Variants in MAPKAP1 observed in about 807,000 individuals in gnomAD.
MAPKAP1 encodes the protein MAPK associated protein 1, also known as target of rapamycin complex 2 subunit MAPKAP1.
A neutral mutation model predicts 65.7 loss-of-function variants in MAPKAP1; 20 were observed. That is an observed-to-expected ratio of 0.30 (90% CI 0.21 to 0.44). The LOEUF (loss-of-function observed/expected upper bound fraction) is 0.44. Ranked by LOEUF, MAPKAP1 falls within the 20% of genes least tolerant of loss-of-function variation. The pLI is 1.00. For missense variants in MAPKAP1, 423 were observed against 648.0 expected, an observed-to-expected ratio of 0.65 and a Z score of 3.77; for synonymous variants, 222 against 244.3, an observed-to-expected ratio of 0.91 and a Z score of 0.85.
At chr9:125,487,164 G>A (rs1244034301) in intron 8 of MAPKAP1, among the ~76,000 whole-genome samples, 1 of 152,154 alleles carries the variant, frequency 6.6e-6, no homozygotes, top group African/African-American at 2.4e-5. Context: ...TGCACCTCCA[G>A]GACACTGCAG....
intron 7 of MAPKAP1, among the ~76,000 whole-genome samples, chr9:125,528,045 G>A (rs1216181888): frequency 1.3e-5 from 2 of 152,188 alleles, no homozygotes; most frequent in Non-Finnish European, 2.9e-5. Flanking sequence ...TTCCACAAAT[G>A]TGCTAACCAC....
At position 125,569,555 on chromosome 9, in the gene MAPKAP1, T is replaced by C. The variant is rs143618805; in HGVS notation, c.672-9746A>G. Among the ~76,000 whole-genome samples, 755 of 152,302 alleles carry C rather than the reference T, an allele frequency of 5.0e-3. 5 individuals are homozygous for C. Among genetic ancestry groups the C allele is most frequent in the African/African-American group, 0.017 (714 of 41,564 alleles). Reference sequence around the variant, plus strand: ...TCAAAAGCCAGAAATATCAGCTGCTTGGCATAAGAAATTCTAAAAGGACGT... The same window carrying C: ...TCAAAAGCCAGAAATATCAGCTGCTCGGCATAAGAAATTCTAAAAGGACGT... On this transcript the variant is annotated intron_variant, in intron 5 of 11. Coordinates refer to ENST00000265960, the MANE Select transcript of MAPKAP1 (RefSeq NM_001006617.3).
chr9:125,678,511 G>C (rs941644740), intron 1 of MAPKAP1, among the ~76,000 whole-genome samples: 4 of 152,156 alleles, frequency 2.6e-5, no homozygotes, highest in Non-Finnish European at 4.4e-5. Context: ...CAAAGTGCTG[G>C]GATTACAGGC....
At chr9:125,479,564 G>C (rs1309413020) in intron 9 of MAPKAP1, among the ~76,000 whole-genome samples, 2 of 149,358 alleles carry the variant, frequency 1.3e-5, no homozygotes, top group African/African-American at 2.5e-5. Context: ...TGGGCAACAA[G>C]AGCGAAACTC....
intron 8 of MAPKAP1, among the ~76,000 whole-genome samples, chr9:125,496,947 T>A (rs1854972234): frequency 6.6e-6 from 1 of 152,118 alleles, no homozygotes; most frequent in Admixed American, 6.5e-5. Context: ...TCAGACTGGG[T>A]TCCTCTCCAG....
At chr9:125,623,840 G>A (rs1832995542) in intron 4 of MAPKAP1, among the ~76,000 whole-genome samples, 2 of 28,152 alleles carry the variant, frequency 7.1e-5, no homozygotes, top group African/African-American at 1.5e-4. Flanking sequence ...CAGCCGCCCC[G>A]TCCGGGAGGT....
intron 9 of MAPKAP1, among the ~76,000 whole-genome samples, chr9:125,481,542 C>A (rs1176344991): frequency 1.3e-5 from 2 of 152,082 alleles, no homozygotes; most frequent in Admixed American, 1.3e-4. Flanking sequence ...CCCATCGCAG[C>A]CTCCTGAGTA....
chr9:125,677,743 G>C (rs532969685), intron 1 of MAPKAP1, among the ~76,000 whole-genome samples: 132 of 152,032 alleles, frequency 8.7e-4, no homozygotes, highest in African/African-American at 3.0e-3. Context: ...CATACCTTTA[G>C]GCCACAGATA....
chr9:125,560,107 T>C (rs1380336882), intron 5 of MAPKAP1, among the ~76,000 whole-genome samples: 1 of 152,202 alleles, frequency 6.6e-6, no homozygotes, highest in African/African-American at 2.4e-5. Context: ...AGGTGAGATT[T>C]AGTATCAGCC....
chr9:125,584,795 A>G (rs950154763), intron 5 of MAPKAP1, among the ~76,000 whole-genome samples: 1 of 152,198 alleles, frequency 6.6e-6, no homozygotes, highest in Non-Finnish European at 1.5e-5. Flanking sequence ...TGCTGGAAAG[A>G]ACATGTAAAA....
chr9:125,664,724 CAA>C (rs1199612669), intron 3 of MAPKAP1, among the ~76,000 whole-genome samples: 2 of 59,930 alleles, frequency 3.3e-5, no homozygotes, highest in South Asian at 1.1e-3. Flanking sequence ...GACTCACTCT[CAA>C]AAAAAAAAAA....
At chr9:125,559,926 G>C (rs963825958) in intron 5 of MAPKAP1, 117 bp from the exon 6 acceptor site, 11 of 973,026 alleles carry the variant, frequency 1.1e-5, no homozygotes, top group Non-Finnish European at 1.5e-5. Context: ...CCCCAAGCCT[G>C]GTGATACAGT....
At chr9:125,519,428 G>A (rs1829555746) in intron 7 of MAPKAP1, among the ~76,000 whole-genome samples, 1 of 151,998 alleles carries the variant, frequency 6.6e-6, no homozygotes, top group East Asian at 1.9e-4. Flanking sequence ...CTTGACGCCA[G>A]TTCAAGAACA....
rs146057701 is a variant in MAPKAP1 at position 125,579,277 on chromosome 9, C to T, written c.671+6278G>A. 7.4e-3 allele frequency among the ~76,000 whole-genome samples: 1,128 copies of T among 152,304 alleles called. 19 individuals are homozygous for T. The highest frequency in any genetic ancestry group is 0.025 in the African/African-American group (1,052 of 41,556). On this transcript the variant is annotated intron_variant, in intron 5 of 11. Transcript: ENST00000265960. ...ACTACCATAGACAGTTTACAAGGCA[C>T]AGGAACAGGAGAACAATATTTTTTC...
At chr9:125,673,761 A>AAT (rs1343710303) in intron 1 of MAPKAP1, among the ~76,000 whole-genome samples, 4 of 150,964 alleles carry the variant, frequency 2.6e-5, no homozygotes, top group Admixed American at 1.3e-4. Flanking sequence ...TCTCTACAAA[A>AAT]ATATATATAT....
In MAPKAP1 at chr9:125,439,147, C is replaced by T; in HGVS notation, c.1444-135G>A. On this transcript the variant is annotated intron_variant, in intron 11 of 11. Coordinates refer to ENST00000265960, the MANE Select transcript of MAPKAP1 (RefSeq NM_001006617.3). This position sits in a 1 kb window ranked among gnomAD's most constrained non-coding sequence, Gnocchi z 4.0. ...CCAGGTGCTGTCGTGTGGAAGGAGT[C>T]CAGTCATCACAGCAACCTGGCAGCG... is the stretch of plus-strand genomic sequence containing the variant. 2 of 911,148 alleles carry T rather than the reference C, an allele frequency of 2.2e-6. No individual in the cohort carries two copies. Among genetic ancestry groups the T allele is most frequent in the Non-Finnish European group, 1.6e-6 (1 of 616,338 alleles). 56.4% of individuals were successfully genotyped at this position (911,148 alleles called of 1,614,324 possible). A position where few individuals can be genotyped will look rare whatever the true frequency, so the allele number is the denominator to read the frequency against.
At chr9:125,563,983 T>C (rs1382596316) in intron 5 of MAPKAP1, among the ~76,000 whole-genome samples, 1 of 152,258 alleles carries the variant, frequency 6.6e-6, no homozygotes, top group Non-Finnish European at 1.5e-5. Flanking sequence ...AGTGCTGGGA[T>C]TATAGGCGTG....
rs1829764461 is a variant in MAPKAP1, at chr9:125,526,242, G to A, written c.958+16817C>T. 2.6e-5 allele frequency among the ~76,000 whole-genome samples: 4 copies of A among 152,230 alleles called. No individual in the cohort carries two copies. In the South Asian group the frequency reaches 8.3e-4, roughly 32 times the overall value. On this transcript the variant is annotated intron_variant, in intron 7 of 11. Transcript: ENST00000265960. ...ATGACCTCTTCTGTACCTCTCCACAGAAGTTAGATGATGTACTTAACCAGA... is the reference window on the plus strand; with the variant it reads ...ATGACCTCTTCTGTACCTCTCCACAAAAGTTAGATGATGTACTTAACCAGA...
intron 1 of MAPKAP1, among the ~76,000 whole-genome samples, chr9:125,674,234 A>G (rs1834579529): frequency 6.6e-6 from 1 of 152,144 alleles, no homozygotes; most frequent in African/African-American, 2.4e-5. Context: ...AAAAAAATAC[A>G]TGGCATGTAA....
Sources: allele counts gnomAD v4.1 joint callset (sites outside exome capture counted in the v4.1 genomes callset), GRCh38; gene constraint gnomAD v4.1.1; non-coding constraint Gnocchi (gnomAD v3.1); transcripts MANE v1.5; gene names NCBI Gene and HGNC (gene_info 2026-07-23, HGNC 2026-07-21).